Variants in COL19A1 observed in about 807,000 individuals in gnomAD.
COL19A1 encodes collagen alpha-1(XIX) chain.
A neutral mutation model predicts 190.2 loss-of-function variants in COL19A1; 159 were observed. The observed-to-expected ratio is 0.84, with a 90% CI of 0.73 to 0.95. The LOEUF (loss-of-function observed/expected upper bound fraction) is 0.95. Ranked by LOEUF, COL19A1 falls within the 40% of genes least tolerant of loss-of-function variation. COL19A1 has a pLI of 0.00. For missense variants in COL19A1, 1,418 were observed against 1,431.9 expected (o/e 0.99, Z 0.16); for synonymous variants, 509 against 458.9 (o/e 1.11, Z -1.39).
intron 11 of COL19A1, among the ~76,000 whole-genome samples, chr6:70,007,686 A>G (rs1013372511): frequency 1.3e-5 from 2 of 152,036 alleles, no homozygotes; most frequent in Non-Finnish European, 2.9e-5. Context: ...CTCTCTCAAT[A>G]AGAATATAGT....
At chr6:69,933,477 C>T (rs1772911059) in intron 7 of COL19A1, among the ~76,000 whole-genome samples, 2 of 152,098 alleles carry the variant, frequency 1.3e-5, no homozygotes, top group African/African-American at 4.8e-5. Context: ...TGCTAAGGAA[C>T]AGGGCTAACA....
rs142814241 is a variant in COL19A1, at chr6:70,201,965, A to G, written c.3223+2229A>G. ...TGACATGCTCAGAAGATGAAGTTAT[A>G]CATGTAACTTATAAGCTTTGCTCTG... On this transcript the variant is annotated intron_variant, in intron 49 of 50. Coordinates refer to ENST00000620364, the MANE Select transcript of COL19A1 (RefSeq NM_001858.6). Among the ~76,000 whole-genome samples the G allele has an allele frequency of 3.8e-3, 574 of 152,348 alleles. 5 individuals carry two copies. Among genetic ancestry groups the G allele is most frequent in the African/African-American group, 0.011 (462 of 41,582 alleles).
At chr6:70,114,614 T>C (rs540942777) in intron 16 of COL19A1, among the ~76,000 whole-genome samples, 1 of 152,340 alleles carries the variant, frequency 6.6e-6, no homozygotes, top group East Asian at 1.9e-4. Flanking sequence ...ATTTTTGTCT[T>C]TCTTTCCCAG....
At chr6:69,999,103 T>A (rs571996531) in intron 11 of COL19A1, among the ~76,000 whole-genome samples, 1 of 142,086 alleles carries the variant, frequency 7.0e-6, no homozygotes, top group African/African-American at 3.0e-5. Flanking sequence ...TGTTCTATTT[T>A]TAGTAGAGAT....
intron 3 of COL19A1, among the ~76,000 whole-genome samples, chr6:69,899,888 T>A (rs545219595): frequency 6.6e-6 from 1 of 152,234 alleles, no homozygotes; most frequent in Non-Finnish European, 1.5e-5. Flanking sequence ...ACTGAATGGC[T>A]GTACTATTTT....
At chr6:70,080,796 T>C (rs1475630350) in intron 15 of COL19A1, among the ~76,000 whole-genome samples, 2 of 152,222 alleles carry the variant, frequency 1.3e-5, no homozygotes, top group African/African-American at 4.8e-5. Flanking sequence ...GCCAAGGGAC[T>C]GGCTTACCAT....
At chr6:69,867,083 C>G (rs1767496956) in intron 1 of COL19A1, among the ~76,000 whole-genome samples, 1 of 130,248 alleles carries the variant, frequency 7.7e-6, no homozygotes, top group African/African-American at 2.8e-5. Context: ...CAATTCATGC[C>G]GTTAGAGCGC....
At chr6:70,131,646 C>T (rs1464164346) in intron 18 of COL19A1, among the ~76,000 whole-genome samples, 1 of 151,952 alleles carries the variant, frequency 6.6e-6, no homozygotes, top group African/African-American at 2.4e-5. Context: ...TAAGCAATGA[C>T]TTCTGGACAT....
chr6:69,997,126 T>C (rs1776964394), intron 11 of COL19A1, among the ~76,000 whole-genome samples: 2 of 151,776 alleles, frequency 1.3e-5, no homozygotes, highest in Non-Finnish European at 2.9e-5. Context: ...ATGTGGGGGA[T>C]ATCAAATAAG....
intron 17 of COL19A1, among the ~76,000 whole-genome samples, chr6:70,126,628 T>G (rs890153948): frequency 1.3e-5 from 2 of 152,248 alleles, no homozygotes; most frequent in African/African-American, 4.8e-5. Context: ...TATTTTCAAG[T>G]GAGCACAGCT....
At chr6:70,110,552 T>G (rs991193609) in intron 16 of COL19A1, among the ~76,000 whole-genome samples, 2 of 152,156 alleles carry the variant, frequency 1.3e-5, no homozygotes, top group African/African-American at 4.8e-5. Context: ...GGGGTAATGG[T>G]CCCAGACAAA....
At chr6:69,995,879 A>C (rs969517746) in intron 11 of COL19A1, among the ~76,000 whole-genome samples, 3 of 152,280 alleles carry the variant, frequency 2.0e-5, no homozygotes, top group African/African-American at 7.2e-5. Flanking sequence ...GAAATAACTT[A>C]ATTAGGTATA....
chr6:69,979,904 A>C (rs1162146145), intron 11 of COL19A1, among the ~76,000 whole-genome samples: 1 of 151,910 alleles, frequency 6.6e-6, no homozygotes, highest in Non-Finnish European at 1.5e-5. Flanking sequence ...ACAAAATCAA[A>C]GGGCGTAAAA....
intron 4 of COL19A1, among the ~76,000 whole-genome samples, chr6:69,902,935 G>A (rs1770285031): frequency 1.3e-5 from 2 of 152,144 alleles, no homozygotes; most frequent in Admixed American, 1.3e-4. Flanking sequence ...TGTTGGGGCA[G>A]GCAATAACAG....
intron 2 of COL19A1, among the ~76,000 whole-genome samples, chr6:69,898,077 T>G (rs910913419): frequency 4.6e-4 from 69 of 150,190 alleles, no homozygotes; most frequent in African/African-American, 1.5e-3. Context: ...TATTAAAAAC[T>G]TCTTAGTTAT....
chr6:70,036,756 A>C (rs1412090358), intron 14 of COL19A1, among the ~76,000 whole-genome samples: 2 of 152,180 alleles, frequency 1.3e-5, no homozygotes, highest in African/African-American at 2.4e-5. Context: ...CATTTAAATC[A>C]GTAGTATTCG....
chr6:69,996,119 A>G (rs575752948), intron 11 of COL19A1, among the ~76,000 whole-genome samples: 2 of 152,286 alleles, frequency 1.3e-5, no homozygotes, highest in Admixed American at 1.3e-4. Context: ...AGGTGAATAT[A>G]ATTTATAATA....
At chr6:69,983,041 C>T (rs1462584123) in intron 11 of COL19A1, among the ~76,000 whole-genome samples, 1 of 150,616 alleles carries the variant, frequency 6.6e-6, no homozygotes, top group Non-Finnish European at 1.5e-5. Flanking sequence ...AATCAACATG[C>T]CAATTTCCAC....
intron 48 of COL19A1, among the ~76,000 whole-genome samples, chr6:70,194,963 T>A (rs993511571): frequency 6.6e-6 from 1 of 151,422 alleles, no homozygotes; most frequent in African/African-American, 2.4e-5. Flanking sequence ...TACATATATT[T>A]CATATATATA....
Sources: gnomAD v4.1 joint callset for allele counts (sites outside exome capture counted in the v4.1 genomes callset) on GRCh38, gnomAD v4.1.1 for gene constraint, MANE v1.5 for transcripts, NCBI Gene and HGNC (gene_info 2026-07-23, HGNC 2026-07-21) for gene names.